The following BAZ2B variants were observed in gnomAD, a reference collection of about 807,000 sequenced individuals.
BAZ2B encodes the protein bromodomain adjacent to zinc finger domain protein 2B.
A neutral mutation model predicts 246.0 loss-of-function variants in BAZ2B; 91 were observed. That is an observed-to-expected ratio of 0.37 (90% CI 0.31 to 0.44). The LOEUF (loss-of-function observed/expected upper bound fraction) is 0.44, where lower values mean the gene tolerates loss of function less well. BAZ2B is among the 20% of genes least tolerant of loss of function. The pLI, the probability that BAZ2B is intolerant of heterozygous loss-of-function variation, is 1.00. For synonymous variants in BAZ2B, 855 were observed against 860.0 expected, an observed-to-expected ratio of 0.99 and a Z score of 0.10; for missense variants, 2,332 against 2,533.7, an observed-to-expected ratio of 0.92 and a Z score of 1.71.
intron 16 of BAZ2B, among the ~76,000 whole-genome samples, chr2:159,403,946 A>C (rs1228307742): frequency 6.6e-6 from 1 of 152,148 alleles, no homozygotes; most frequent in Non-Finnish European, 1.5e-5. Context: ...TACAAACTTA[A>C]ATCCTAAATC....
At chr2:159,336,537 G>C (rs77337548) in intron 33 of BAZ2B, among the ~76,000 whole-genome samples, 15 of 152,238 alleles carry the variant, frequency 9.9e-5, no homozygotes, top group African/African-American at 3.4e-4. Flanking sequence ...TTATCTAAGT[G>C]CTTCTTAGAA....
intron 4 of BAZ2B, among the ~76,000 whole-genome samples, chr2:159,449,521 C>T (rs952136517): frequency 1.3e-5 from 2 of 152,230 alleles, no homozygotes; most frequent in East Asian, 1.9e-4. Flanking sequence ...AAATGGTATG[C>T]ACCTTCATTA....
intron 23 of BAZ2B, among the ~76,000 whole-genome samples, chr2:159,383,940 GA>G (rs1294459816): frequency 6.6e-6 from 1 of 151,940 alleles, no homozygotes; most frequent in Non-Finnish European, 1.5e-5. Flanking sequence ...AACCAAGAAA[GA>G]AACTATGCAT....
chr2:159,682,002 G>A, the BAZ2B span, among the ~76,000 whole-genome samples: 10 of 152,104 alleles, frequency 6.6e-5, no homozygotes, highest in African/African-American at 2.4e-4. Context: ...GAATAGTGCA[G>A]TATCTCAGGA....
chr2:159,605,594 A>G (rs1057455712), intron 1 of BAZ2B, among the ~76,000 whole-genome samples: 6 of 152,042 alleles, frequency 3.9e-5, no homozygotes, highest in Non-Finnish European at 8.8e-5. Flanking sequence ...AGAACACTTC[A>G]TTATAAAAAA....
At chr2:159,618,638 T>C (rs1400408727), upstream of BAZ2B, among the ~76,000 whole-genome samples, 1 of 152,120 alleles carries the variant, frequency 6.6e-6, no homozygotes, top group Non-Finnish European at 1.5e-5. Context: ...AACTAAAAAA[T>C]GGAATACACT....
the BAZ2B span, among the ~76,000 whole-genome samples, chr2:159,647,703 C>T: frequency 6.6e-6 from 1 of 152,112 alleles, no homozygotes; most frequent in Non-Finnish European, 1.5e-5. Flanking sequence ...GCTGTCTGTG[C>T]ATGAACTGAA....
intron 27 of BAZ2B, among the ~76,000 whole-genome samples, chr2:159,368,999 C>T (rs919326300): frequency 2.0e-5 from 3 of 151,698 alleles, no homozygotes; most frequent in African/African-American, 7.3e-5. Flanking sequence ...ACTATCCTTC[C>T]AACACTATGG....
chr2:159,421,817 A>G (rs1406074686), intron 13 of BAZ2B, among the ~76,000 whole-genome samples: 1 of 152,184 alleles, frequency 6.6e-6, no homozygotes, highest in African/African-American at 2.4e-5. Flanking sequence ...TTAAGAGACA[A>G]TATGATTCTA....
chr2:159,621,871 C>T, the BAZ2B span, among the ~76,000 whole-genome samples: 3 of 151,920 alleles, frequency 2.0e-5, no homozygotes, highest in Admixed American at 1.3e-4. Flanking sequence ...TTTGGGAGGC[C>T]GAGGCAGGTG....
intron 13 of BAZ2B, among the ~76,000 whole-genome samples, chr2:159,414,706 A>G (rs1004047472): frequency 3.9e-5 from 6 of 151,922 alleles, no homozygotes; most frequent in Admixed American, 1.3e-4. Context: ...AGTGCTAGCT[A>G]CTTGGGAGGG....
intron 3 of BAZ2B, 68 bp from the exon 4 acceptor site, chr2:159,453,869 G>T: frequency 7.9e-7 from 1 of 1,258,242 alleles, no homozygotes. Flanking sequence ...TGATTTCAGT[G>T]TTTATAGTTA....
the BAZ2B span, among the ~76,000 whole-genome samples, chr2:159,640,013 C>T: frequency 3.3e-5 from 5 of 151,830 alleles, no homozygotes; most frequent in Admixed American, 3.3e-4. Flanking sequence ...TGGAAAAAAA[C>T]ATTCATTTGG....
At chr2:159,432,667 C>T (rs980972196) in intron 9 of BAZ2B, 90 bp downstream of exon 9, 3 of 1,480,912 alleles carry the variant, frequency 2.0e-6, no homozygotes, top group South Asian at 1.4e-5. Context: ...GTAAATGACG[C>T]TGATTTTAAG....
intron 27 of BAZ2B, among the ~76,000 whole-genome samples, chr2:159,354,409 G>T (rs1305378540): frequency 6.6e-6 from 1 of 151,902 alleles, no homozygotes; most frequent in African/African-American, 2.4e-5. Context: ...AGAGTGCAGT[G>T]GCATAATCTC....
At position 159,350,144 on chromosome 2, in the gene BAZ2B, G is replaced by C; in HGVS notation, c.4427C>G (p.Ala1476Gly). The change falls in exon 28 of 37, where the codon GCT becomes GGT. Residue 1476 changes from alanine (A) to glycine (G), a missense_variant. Coordinates refer to ENST00000392783, the MANE Select transcript of BAZ2B (RefSeq NM_013450.4). Reference protein sequence around the residue: ...FSKLSKLLEVAKMPPESEVMT... With the variant: ...FSKLSKLLEVGKMPPESEVMT... ...AACCTCTGACTCAGGAGGCATCTTA[G>C]CTACTTCCAAAAGCTTGCTTAATTT... 1 of 1,614,052 alleles carries C rather than the reference G, an allele frequency of 6.2e-7. No individual in the cohort carries two copies. Among genetic ancestry groups the C allele is most frequent in the Non-Finnish European group, 8.5e-7 (1 of 1,179,988 alleles).
rs1559425110 is a variant in BAZ2B, at chr2:159,439,099, T to G, written c.810A>C (p.Glu270Asp). 6 of 1,613,938 alleles carry G rather than the reference T, an allele frequency of 3.7e-6. No individual in the cohort carries two copies. Among genetic ancestry groups the G allele is most frequent in the Non-Finnish European group, 5.1e-6 (6 of 1,179,936 alleles). ...ISSSDSDDLE[E>D]DEEEEDQSIE... is the part of the protein sequence containing the mutation. ...TACTTTGATCTTCTTCTTCTTCATCTTCTTCTAGATCATCTGAATCACTGC... is the reference window on the plus strand; with the variant it reads ...TACTTTGATCTTCTTCTTCTTCATCGTCTTCTAGATCATCTGAATCACTGC... The change falls in exon 7 of 37, where the codon GAA becomes GAC. Residue 270 changes from glutamate (E) to aspartate (D), a missense_variant. Physicochemically the swap from Glu to Asp is conservative, Grantham distance 45. This residue lies in a region of BAZ2B where 161 missense variants were observed against 225.8 expected (regional missense o/e 0.71). Transcript: ENST00000392783.
the BAZ2B span, among the ~76,000 whole-genome samples, chr2:159,676,952 TTATATATA>T: frequency 0.056 from 6,646 of 117,748 alleles, 305 homozygotes; most frequent in East Asian, 0.079. Context: ...AATAGTTTTG[TTATATATA>T]TATATATATA....
chr2:159,380,983 G>A (rs1279724687), intron 25 of BAZ2B, among the ~76,000 whole-genome samples: 1 of 152,092 alleles, frequency 6.6e-6, no homozygotes, highest in Non-Finnish European at 1.5e-5. Context: ...AATCATCCTA[G>A]TGAATCACTG....
Sources: gnomAD v4.1 joint callset for allele counts (sites outside exome capture counted in the v4.1 genomes callset) on GRCh38, gnomAD v4.1.1 for gene constraint, gnomAD v4.1.1 regional missense constraint, MANE v1.5 for transcripts, NCBI Gene and HGNC (gene_info 2026-07-23, HGNC 2026-07-21) for gene names.